RTCA: variants seen among roughly 807,000 people sequenced by gnomAD.
The protein encoded by RTCA is RNA 3'-terminal phosphate cyclase, also known as RNA terminal phosphate cyclase domain 1.
In RTCA, 37 loss-of-function variants were observed where a neutral mutation model predicts 46.1. That is an observed-to-expected ratio of 0.80 (90% CI 0.62 to 1.06). RTCA has a LOEUF of 1.06. Ranked by LOEUF, RTCA falls within the 50% of genes least tolerant of loss-of-function variation. The pLI is 0.00. For synonymous variants in RTCA, 164 were observed against 158.3 expected (o/e 1.04, Z -0.27); for missense variants, 435 against 455.5 (o/e 0.95, Z 0.41).
chr1:100,287,332 A>G (rs1667083007), intron 10 of RTCA, 129 bp downstream of exon 10: 3 of 549,594 alleles, frequency 5.5e-6, no homozygotes, highest in African/African-American at 2.0e-5. Flanking sequence ...ACAGGCACTG[A>G]GCTAATTTAG....
chr1:100,267,430 G>C, intron 2 of RTCA: 1 of 1,376,728 alleles, frequency 7.3e-7, no homozygotes, highest in Non-Finnish European at 9.5e-7. Context: ...GTATTAGTTT[G>C]CTAGGGCTGC....
rs1194240698 is a variant in RTCA, at chr1:100,266,895, C to T, written c.146+271C>T. 5.7e-5 allele frequency: 27 copies of T among 471,198 alleles called. No homozygotes were observed. The Admixed American group carries it at 7.8e-4, about 14-fold the overall frequency. 29.2% of individuals were successfully genotyped at this position (471,198 alleles called of 1,614,324 possible). A position where few individuals can be genotyped will look rare whatever the true frequency, so the allele number is the denominator to read the frequency against. ...AGAGCTAGCTTTTAAAATGTTTTCTCACCTCACCGGGCATTCCAAATATCC... is the reference window on the plus strand; with the variant it reads ...AGAGCTAGCTTTTAAAATGTTTTCTTACCTCACCGGGCATTCCAAATATCC... On this transcript the variant is annotated intron_variant, in intron 2 of 10. Transcript: ENST00000370128.
At chr1:100,279,204 A>G (rs1166031002) in intron 8 of RTCA, among the ~76,000 whole-genome samples, 1 of 152,226 alleles carries the variant, frequency 6.6e-6, no homozygotes, top group Non-Finnish European at 1.5e-5. Flanking sequence ...ATTACTGGTT[A>G]CCAAATGTGC....
rs777695628 is a variant in RTCA, at chr1:100,270,691, T to G, written c.414+11T>G. On this transcript the variant is annotated intron_variant, in intron 4 of 10. Coordinates refer to ENST00000370128, the MANE Select transcript of RTCA (RefSeq NM_003729.4). ...GATTATACAGTGATGGTAAGGGCTTTTGTTGTTGACAAACTAAGATGATCT... is the reference window on the plus strand; with the variant it reads ...GATTATACAGTGATGGTAAGGGCTTGTGTTGTTGACAAACTAAGATGATCT... 2 of 1,612,856 alleles carry G rather than the reference T, an allele frequency of 1.2e-6. No individual in the cohort carries two copies. Among genetic ancestry groups the G allele is most frequent in the South Asian group, 2.2e-5 (2 of 90,814 alleles).
At chr1:100,281,908 G>A (rs1209361961) in intron 8 of RTCA, among the ~76,000 whole-genome samples, 2 of 151,906 alleles carry the variant, frequency 1.3e-5, no homozygotes, top group Non-Finnish European at 2.9e-5. Context: ...TAGAGACGGG[G>A]TTTCACAGTG....
At chr1:100,288,836 T>C (rs1007310298) in intron 10 of RTCA, among the ~76,000 whole-genome samples, 15 of 152,196 alleles carry the variant, frequency 9.9e-5, no homozygotes, top group Middle Eastern at 3.4e-3. Flanking sequence ...TTTTTTTTTT[T>C]CTTAAGATAG....
intron 7 of RTCA, among the ~76,000 whole-genome samples, chr1:100,276,100 G>C (rs1307692014): frequency 6.6e-6 from 1 of 152,030 alleles, no homozygotes; most frequent in African/African-American, 2.4e-5. Context: ...CTCCCAAAGT[G>C]CTGGGATTAC....
chr1:100,285,834 A>G (rs1666993645), intron 9 of RTCA, among the ~76,000 whole-genome samples: 1 of 152,178 alleles, frequency 6.6e-6, no homozygotes, highest in South Asian at 2.1e-4. Context: ...AGGTCTCAGT[A>G]TGTTGACCAG....
intron 9 of RTCA, among the ~76,000 whole-genome samples, chr1:100,286,071 G>A (rs1021779158): frequency 2.0e-5 from 3 of 152,042 alleles, no homozygotes; most frequent in Non-Finnish European, 4.4e-5. Flanking sequence ...ATTTATATCC[G>A]AAGCCCAGGC....
intron 9 of RTCA, among the ~76,000 whole-genome samples, chr1:100,286,719 C>T (rs1378434699): frequency 6.6e-6 from 1 of 152,096 alleles, no homozygotes; most frequent in Non-Finnish European, 1.5e-5. Flanking sequence ...CTACTTTAAA[C>T]TCCCAGTAAA....
chr1:100,270,322 G>C (rs1321990885), intron 3 of RTCA, among the ~76,000 whole-genome samples: 1 of 152,032 alleles, frequency 6.6e-6, no homozygotes, highest in Non-Finnish European at 1.5e-5. Context: ...ACCCAGGTTT[G>C]GTTATCATTT....
chr1:100,271,990 TC>T (rs1232329229), intron 4 of RTCA, among the ~76,000 whole-genome samples: 4 of 152,232 alleles, frequency 2.6e-5, no homozygotes, highest in African/African-American at 4.8e-5. Context: ...TTGAGATTCA[TC>T]CATGTTGCTT....
intron 6 of RTCA, among the ~76,000 whole-genome samples, 169 bp downstream of exon 6, chr1:100,275,134 AT>A (rs1666304037): frequency 6.6e-6 from 1 of 152,224 alleles, no homozygotes; most frequent in Non-Finnish European, 1.5e-5. Context: ...AAGCAAATTA[AT>A]GTGGGAACAG....
intron 7 of RTCA, 25 bp downstream of exon 7, chr1:100,275,748 A>G (rs753386185): frequency 2.8e-5 from 44 of 1,587,882 alleles, no homozygotes; most frequent in South Asian, 1.4e-4. Flanking sequence ...TTTCCTACAC[A>G]TTAGTTGAGA....
intron 10 of RTCA, among the ~76,000 whole-genome samples, chr1:100,290,099 T>G (rs1245494567): frequency 1.3e-5 from 2 of 152,238 alleles, no homozygotes; most frequent in Non-Finnish European, 2.9e-5. Context: ...GTCCACTCTG[T>G]GTCAGTACAT....
intron 9 of RTCA, among the ~76,000 whole-genome samples, chr1:100,286,648 T>A (rs1425249303): frequency 6.6e-6 from 1 of 152,082 alleles, no homozygotes; most frequent in African/African-American, 2.4e-5. Flanking sequence ...TCCTCGAGAT[T>A]TCTTGACCTG....
At chr1:100,268,082 A>G in intron 2 of RTCA, 70 bp from the exon 3 acceptor site, 1 of 1,567,796 alleles carries the variant, frequency 6.4e-7, no homozygotes, top group Non-Finnish European at 8.7e-7. Flanking sequence ...AGTTTTATAA[A>G]TTTGTCATAA....
rs1022592484 is a variant in RTCA, at chr1:100,267,375, C to T, written c.146+751C>T. 7 of 1,105,250 alleles carry T rather than the reference C, an allele frequency of 6.3e-6. No homozygotes were observed. In the African/African-American group the frequency reaches 1.1e-4, roughly 18 times the overall value. 68.5% of individuals were successfully genotyped at this position (1,105,250 alleles called of 1,614,324 possible). A position where few individuals can be genotyped will look rare whatever the true frequency, so the allele number is the denominator to read the frequency against. On this transcript the variant is annotated intron_variant, in intron 2 of 10. Coordinates refer to ENST00000370128, the MANE Select transcript of RTCA (RefSeq NM_003729.4). ...TGCCTTTGTCATAGTTTGCAGCCCT[C>T]CAGTTCACCAACAGGGGAATCCAAT...
rs374379380 is a variant in RTCA at position 100,275,590 on chromosome 1, C to T, written c.616-9C>T. On this transcript the variant is annotated splice_polypyrimidine_tract_variant and intron_variant, in intron 6 of 10. Coordinates refer to ENST00000370128, the MANE Select transcript of RTCA (RefSeq NM_003729.4). ...TGTTTTATTCTATTTTTCTGTCTTG[C>T]TAAAATAGGTAGCAAAAGATATGGC... is the stretch of plus-strand genomic sequence containing the variant. 1 of 1,589,844 alleles carries T rather than the reference C, an allele frequency of 6.3e-7. No homozygotes were observed. The highest frequency in any genetic ancestry group is 8.5e-7 in the Non-Finnish European group (1 of 1,169,796).
Sources: allele counts gnomAD v4.1 joint callset (sites outside exome capture counted in the v4.1 genomes callset), GRCh38; gene constraint gnomAD v4.1.1; transcripts MANE v1.5; gene names NCBI Gene and HGNC (gene_info 2026-07-23, HGNC 2026-07-21).